BIRC6: variants seen among roughly 807,000 people sequenced by gnomAD.
BIRC6 encodes the protein dual E2 ubiquitin-conjugating enzyme/E3 ubiquitin-protein ligase BIRC6.
In BIRC6, 98 loss-of-function variants were observed where a neutral mutation model predicts 503.3. That is an observed-to-expected ratio of 0.19 (90% CI 0.17 to 0.23). The LOEUF (loss-of-function observed/expected upper bound fraction) is 0.23. BIRC6 is among the 10% of genes least tolerant of loss of function. BIRC6 has a pLI of 1.00. For missense variants in BIRC6, 5,360 were observed against 5,806.0 expected (o/e 0.92, Z 2.50); for synonymous variants, 2,240 against 2,078.7 (o/e 1.08, Z -2.11).
chr2:32,450,688 C>T (rs1267499403), intron 22 of BIRC6, among the ~76,000 whole-genome samples: 2 of 152,068 alleles, frequency 1.3e-5, no homozygotes, highest in African/African-American at 2.4e-5. Flanking sequence ...CCTCTCTATC[C>T]GTGGGGAATT....
chr2:32,376,361 A>G (rs2036781210), intron 1 of BIRC6, among the ~76,000 whole-genome samples: 1 of 152,110 alleles, frequency 6.6e-6, no homozygotes, highest in East Asian at 1.9e-4. Flanking sequence ...CAGTTTTATA[A>G]TATGTACTAC....
In BIRC6 at chr2:32,448,766, A is replaced by G. The variant is rs748420854; in HGVS notation, c.4485-29A>G. ...TTGTTAATTAGATGGCTGAAAGGAAAATTGTTAGTGCATTATTTTATTTTT... is the reference window on the plus strand; with the variant it reads ...TTGTTAATTAGATGGCTGAAAGGAAGATTGTTAGTGCATTATTTTATTTTT... On this transcript the variant is annotated intron_variant, in intron 21 of 73. Coordinates refer to ENST00000421745, the MANE Select transcript of BIRC6 (RefSeq NM_016252.4). 45 of 1,584,834 alleles carry G rather than the reference A, an allele frequency of 2.8e-5. 1 individual carries two copies. The South Asian group carries it at 4.9e-4, about 17-fold the overall frequency.
intron 66 of BIRC6, among the ~76,000 whole-genome samples, chr2:32,580,857 A>G (rs1203580107): frequency 6.6e-6 from 1 of 152,198 alleles, no homozygotes; most frequent in East Asian, 1.9e-4. Flanking sequence ...AGGTAGAAAT[A>G]TATTCCATGC....
Position 32,401,698 on chromosome 2 carries a change from T to C in BIRC6, c.1418+75T>C, listed in dbSNP as rs2040611486. On this transcript the variant is annotated intron_variant, in intron 8 of 73. Transcript: ENST00000421745. ...AAATTTTATATTCTCATAGTTCTAA[T>C]AATTAAAGAGGAGGAAAAAAAAGTT... The C allele has an allele frequency of 6.8e-6, 9 of 1,329,276 alleles. No individual in the cohort carries two copies. The South Asian group carries it at 8.2e-5, about 12-fold the overall frequency. The allele number at this position is 1,329,276 out of a possible 1,614,324, so 82.3% of individuals were successfully genotyped here.
At chr2:32,392,184 G>A (rs1300096758) in intron 5 of BIRC6, 34 bp downstream of exon 5, 2 of 1,371,854 alleles carry the variant, frequency 1.5e-6, no homozygotes, top group Non-Finnish European at 2.0e-6. Flanking sequence ...ACTTTTCTCA[G>A]TAGGCCTTTG....
At position 32,515,437 on chromosome 2, in the gene BIRC6, A is replaced by G. The variant is rs778633432; in HGVS notation, c.11016A>G (p.Gln3672=). The change falls in exon 55 of 74, where the codon CAA becomes CAG. Residue 3672 remains glutamine (Q), a synonymous_variant. Coordinates refer to ENST00000421745, the MANE Select transcript of BIRC6 (RefSeq NM_016252.4). ...DKLRRHHVPQ[Q]CNKMPITADL... ...TCAGGCGCCATCATGTCCCACAACA[A>G]TGTAATAAGATGCCTATCACAGCCG... 4.3e-6 allele frequency: 7 copies of G among 1,613,124 alleles called. No individual in the cohort carries two copies. In the Admixed American group the frequency reaches 6.7e-5, roughly 15 times the overall value.
chr2:32,465,919 A>T (rs2048495948), intron 26 of BIRC6, among the ~76,000 whole-genome samples: 1 of 151,404 alleles, frequency 6.6e-6, no homozygotes, highest in South Asian at 2.1e-4. Context: ...TTTTCTGCCC[A>T]ACTAATCATT....
In BIRC6 at chr2:32,531,404, A is replaced by T. The variant is rs1427353143; in HGVS notation, c.12144A>T (p.Pro4048=). ...GTCCAGAAGATGAGGCTCTCACTCC[A>T]GGTGATGAATGCATGGATGGGATAC... ...ASCPEDEALT[P]GDECMDGILD... Residue 4048 remains proline, a synonymous_variant, in exon 61 of 74, where the codon CCA becomes CCT. Transcript: ENST00000421745. The T allele has an allele frequency of 1.9e-6, 3 of 1,613,840 alleles. No homozygotes were observed. The highest frequency in any genetic ancestry group is 1.7e-5 in the Admixed American group (1 of 60,020).
intron 68 of BIRC6, 21 bp from the exon 69 acceptor site, chr2:32,597,730 T>C (rs1287752277): frequency 1.3e-6 from 2 of 1,583,708 alleles, no homozygotes; most frequent in East Asian, 2.2e-5. Flanking sequence ...TTCTGGGTTT[T>C]ATTTTTTCTT....
intron 6 of BIRC6, among the ~76,000 whole-genome samples, chr2:32,400,330 T>C (rs1371559862): frequency 1.3e-5 from 2 of 150,674 alleles, no homozygotes; most frequent in East Asian, 3.9e-4. Flanking sequence ...CTTTCTGCTT[T>C]CAGATCTTTT....
At chr2:32,531,893 G>A (rs149440820) in intron 61 of BIRC6, among the ~76,000 whole-genome samples, 2 of 152,300 alleles carry the variant, frequency 1.3e-5, no homozygotes, top group African/African-American at 2.4e-5. Flanking sequence ...TAAAATAGCA[G>A]TGTATACTGC....
rs188712018 is a variant in BIRC6, at chr2:32,461,185, T to C, written c.4754-2009T>C. Among the ~76,000 whole-genome samples the C allele has an allele frequency of 4.8e-4, 12 of 25,076 alleles. 5 individuals carry two copies. The highest frequency in any genetic ancestry group is 7.9e-4 in the Admixed American group (2 of 2,532). The allele number at this position is 25,076 out of a possible 152,430, so 16.5% of individuals were successfully genotyped here. A position where few individuals can be genotyped will look rare whatever the true frequency, so the allele number is the denominator to read the frequency against. On this transcript the variant is annotated intron_variant, in intron 23 of 73. Coordinates refer to ENST00000421745, the MANE Select transcript of BIRC6 (RefSeq NM_016252.4). ...CTCCCCTCCCCTCTCCCCTCCCCTCTCCCCTCCCCTTCCCTTTTTTCTAAC... is the reference window on the plus strand; with the variant it reads ...CTCCCCTCCCCTCTCCCCTCCCCTCCCCCCTCCCCTTCCCTTTTTTCTAAC...
At chr2:32,553,997 T>A (rs1432501943) in intron 65 of BIRC6, among the ~76,000 whole-genome samples, 1 of 152,162 alleles carries the variant, frequency 6.6e-6, no homozygotes, top group Non-Finnish European at 1.5e-5. Context: ...CCACAATCAT[T>A]TTTTCTCTAG....
intron 9 of BIRC6, among the ~76,000 whole-genome samples, chr2:32,411,367 C>G (rs1439078437): frequency 6.7e-6 from 1 of 149,220 alleles, no homozygotes; most frequent in Non-Finnish European, 1.5e-5. Context: ...ATTTCCTTTT[C>G]TCTGTTTTTC....
chr2:32,471,745 A>T (rs572781081), intron 32 of BIRC6, among the ~76,000 whole-genome samples: 5 of 152,254 alleles, frequency 3.3e-5, no homozygotes, highest in African/African-American at 9.6e-5. Flanking sequence ...AGGATTTGAG[A>T]TACCTAAATC....
chr2:32,397,191 C>T lies in BIRC6; in HGVS notation c.1034+1598C>T, dbSNP rs562237078. Among the ~76,000 whole-genome samples, 340 of 151,654 alleles carry T rather than the reference C, an allele frequency of 2.2e-3. 1 individual carries two copies. Among genetic ancestry groups the T allele is most frequent in the South Asian group, 5.6e-3 (27 of 4,790 alleles). On this transcript the variant is annotated intron_variant, in intron 6 of 73. Coordinates refer to ENST00000421745, the MANE Select transcript of BIRC6 (RefSeq NM_016252.4). ...AAACCATAGAGAGTGAAGCTGTGGG[C>T]CAGGCATGGTGGCTCACGCCTATAA...
rs2056118745 is a variant in BIRC6 at position 32,524,871 on chromosome 2, A to G, written c.11624-17A>G. On this transcript the variant is annotated splice_polypyrimidine_tract_variant and intron_variant, in intron 57 of 73. Transcript: ENST00000421745. The stretch of plus-strand genomic sequence containing the variant: ...GATTTGGAAAAGCAGTGTATTTTAG[A>G]TAATATCTTCTTACAGATACTCCAA... 7.2e-7 allele frequency: 1 copy of G among 1,395,672 alleles called. No homozygotes were observed. Among genetic ancestry groups the G allele is most frequent in the Non-Finnish European group, 9.5e-7 (1 of 1,048,012 alleles). The allele number at this position is 1,395,672 out of a possible 1,614,324, so 86.5% of individuals were successfully genotyped here.
At chr2:32,434,238 T>C (rs1056587864) in intron 13 of BIRC6, among the ~76,000 whole-genome samples, 7 of 152,184 alleles carry the variant, frequency 4.6e-5, no homozygotes, top group African/African-American at 1.7e-4. Context: ...ATTTGTTGCA[T>C]TGAGTTATTA....
chr2:32,463,020 C>G (rs1572405960), intron 23 of BIRC6, among the ~76,000 whole-genome samples, 174 bp from the exon 24 acceptor site: 1 of 151,006 alleles, frequency 6.6e-6, no homozygotes, highest in African/African-American at 2.4e-5. Context: ...TATCAATATA[C>G]TTTATTTTAC....
Sources: allele counts gnomAD v4.1 joint callset (sites outside exome capture counted in the v4.1 genomes callset), GRCh38; gene constraint gnomAD v4.1.1; transcripts MANE v1.5; gene names NCBI Gene and HGNC (gene_info 2026-07-23, HGNC 2026-07-21).